Variants in DRD4 observed in about 807,000 individuals in gnomAD.
DRD4 encodes the protein dopamine receptor D4.
In DRD4, 26 loss-of-function variants were observed where a neutral mutation model predicts 22.1. The ratio of observed to expected loss-of-function variants is 1.17; its 90% CI spans 0.86 to 1.63. DRD4 has a LOEUF of 1.63. Among genes scored for constraint, DRD4 ranks in the 40% most tolerant of loss-of-function variants. The probability of loss-of-function intolerance (pLI) is 0.00; values close to 1 mark genes in which losing one functional copy is unlikely to be tolerated. For synonymous variants in DRD4, 455 were observed against 306.7 expected (o/e 1.48, Z -5.05); for missense variants, 913 against 632.4 (o/e 1.44, Z -4.76).
chr11:639,790 G>GA lies in DRD4; in HGVS notation c.542dup (p.Asp181GlufsTer269). The stretch of plus-strand genomic sequence containing the variant: ...CGGCCTCAACGACGTGCGCGGCCGC[G>GA]ACCCCGCCGTGTGCCGCCTGGAGGA... On this transcript the variant is annotated frameshift_variant, in exon 3 of 4. Transcript: ENST00000176183. LOFTEE classifies it high-confidence loss of function. The GA allele has an allele frequency of 6.3e-7, 1 of 1,579,352 alleles. No individual in the cohort carries two copies. Among genetic ancestry groups the GA allele is most frequent in the Non-Finnish European group, 8.5e-7 (1 of 1,171,248 alleles).
intron 1 of DRD4, among the ~76,000 whole-genome samples, chr11:638,233 C>CCAGCCCCTCTGCGGCCAGAGAAAAG (rs1223974709): frequency 3.3e-5 from 5 of 152,190 alleles, no homozygotes; most frequent in Non-Finnish European, 1.5e-5. Flanking sequence ...GGCCTTGGTG[C>CCAGCCCCTCTGCGGCCAGAGAAAAG]CAGCCCCTCT....
intron 1 of DRD4, among the ~76,000 whole-genome samples, chr11:637,819 C>T (rs914370467): frequency 3.9e-5 from 6 of 152,248 alleles, no homozygotes; most frequent in African/African-American, 1.4e-4. Context: ...TTCTCCTTCC[C>T]CGTCTGTCTT....
Position 640,674 on chromosome 11 carries a change from T to G in DRD4, c.*71T>G. The stretch of plus-strand genomic sequence containing the variant: ...GGACCAAGGAGATGGGGAGGGCGCT[T>G]TTGTACGTTAATTAAACAAATTCCT... On this transcript the variant is annotated 3_prime_UTR_variant, in exon 4 of 4. Transcript: ENST00000176183. 1.9e-6 allele frequency: 3 copies of G among 1,549,704 alleles called. No homozygotes were observed. The Admixed American group carries it at 5.2e-5, about 27-fold the overall frequency.
rs896163531 is a variant in DRD4, at chr11:639,216, C to T, written c.286-217C>T. The T allele has an allele frequency of 1.4e-5, 8 of 568,872 alleles. No individual in the cohort carries two copies. In the African/African-American group the frequency reaches 1.5e-4, roughly 11 times the overall value. The allele number at this position is 568,872 out of a possible 1,614,324, so 35.2% of individuals were successfully genotyped here. A position where few individuals can be genotyped will look rare whatever the true frequency, so the allele number is the denominator to read the frequency against. On this transcript the variant is annotated intron_variant, in intron 1 of 3. Transcript: ENST00000176183. ...GCTACAGTGAGCCATGATGGAGCCACAGCACTCCAGCCGCGGTGACACAGC... is the reference window on the plus strand; with the variant it reads ...GCTACAGTGAGCCATGATGGAGCCATAGCACTCCAGCCGCGGTGACACAGC...
intron 1 of DRD4, 114 bp downstream of exon 1, chr11:637,703 G>GGGC: frequency 6.6e-7 from 1 of 1,519,136 alleles, no homozygotes; most frequent in Non-Finnish European, 8.8e-7. Flanking sequence ...CTTCCAGCTG[G>GGGC]GGCGGCGGCA....
chr11:640,583 G>C lies in DRD4; in HGVS notation c.1240G>C (p.Ala414Pro). 1 of 1,599,624 alleles carries C rather than the reference G, an allele frequency of 6.3e-7. No homozygotes were observed. The highest frequency in any genetic ancestry group is 8.5e-7 in the Non-Finnish European group (1 of 1,179,814). The change falls in exon 4 of 4, where the codon GCC becomes CCC. Residue 414 changes from alanine to proline, a missense_variant. Ala to Pro is a conservative substitution (Grantham distance 27). Coordinates refer to ENST00000176183, the MANE Select transcript of DRD4 (RefSeq NM_000797.4). Reference sequence around the variant, plus strand: ...CGAGTTCCGCAACGTCTTCCGCAAGGCCCTGCGTGCCTGCTGCTGAGCCGG... The same window carrying C: ...CGAGTTCCGCAACGTCTTCCGCAAGCCCCTGCGTGCCTGCTGCTGAGCCGG... ...NAEFRNVFRK[A>P]LRACC
chr11:639,102 C>A, intron 1 of DRD4: 1 of 327,034 alleles, frequency 3.1e-6, no homozygotes, highest in Non-Finnish European at 5.9e-6. Context: ...AAAAGAAAAA[C>A]AAATCAGCCG....
intron 1 of DRD4, 36 bp downstream of exon 1, chr11:637,625 G>T: frequency 4.6e-6 from 7 of 1,537,956 alleles, no homozygotes; most frequent in Non-Finnish European, 6.1e-6. Flanking sequence ...ATCCTCACCT[G>T]CTCCTCGGTT....
chr11:639,373 G>C (rs1380995479), intron 1 of DRD4, 60 bp from the exon 2 acceptor site: 7 of 794,720 alleles, frequency 8.8e-6, no homozygotes, highest in Non-Finnish European at 1.2e-5. Context: ...AAGAGTGGGG[G>C]CGGGTCACAA....
chr11:638,537 G>A (rs1407628006), intron 1 of DRD4, among the ~76,000 whole-genome samples: 2 of 152,176 alleles, frequency 1.3e-5, no homozygotes, highest in Non-Finnish European at 2.9e-5. Flanking sequence ...ACTGGGCACG[G>A]TCTTCATATT....
chr11:640,475 C>A lies in DRD4; in HGVS notation c.1132C>A (p.Pro378Thr). ...TQALCPACSV[P>T]PRLVSAVTWL... ...GGCGCTGTGTCCTGCCTGCTCCGTG[C>A]CCCCGCGGCTGGTCAGCGCCGTCAC... The change falls in exon 4 of 4, where the codon CCC becomes ACC. Residue 378 changes from proline (P) to threonine (T), a missense_variant. By Grantham distance (38) the Pro-to-Thr change is conservative. Coordinates refer to ENST00000176183, the MANE Select transcript of DRD4 (RefSeq NM_000797.4). 7 of 1,602,278 alleles carry A rather than the reference C, an allele frequency of 4.4e-6. No individual in the cohort carries two copies. The highest frequency in any genetic ancestry group is 2.2e-5 in the East Asian group (1 of 44,868).
chr11:639,290 T>G, intron 1 of DRD4, 143 bp from the exon 2 acceptor site: 1 of 753,664 alleles, frequency 1.3e-6, no homozygotes, highest in South Asian at 1.5e-5. Flanking sequence ...AAGGGGTGTT[T>G]CCCTGCCCGG....
At position 639,657 on chromosome 11, in the gene DRD4, C is replaced by T. The variant is rs1305255086; in HGVS notation, c.408C>T (p.Ala136=). 5 of 1,460,508 alleles carry T rather than the reference C, an allele frequency of 3.4e-6. No homozygotes were observed. Among genetic ancestry groups the T allele is most frequent in the African/African-American group, 3.0e-5 (2 of 67,598 alleles). The allele number at this position is 1,460,508 out of a possible 1,614,324, so 90.5% of individuals were successfully genotyped here. A position where few individuals can be genotyped will look rare whatever the true frequency, so the allele number is the denominator to read the frequency against. The change falls in exon 3 of 4, where the codon GCC becomes GCT. Residue 136 remains alanine, a synonymous_variant. Transcript: ENST00000176183. ...TCGGCGCTCCCCGCAGGTTCGTGGC[C>T]GTGGCCGTGCCGCTGCGCTACAACC... ...LCAISVDRFV[A]VAVPLRYNRQ... is the part of the protein sequence containing the mutation.
At position 637,606 on chromosome 11, in the gene DRD4, C is replaced by T. The variant is rs200255589; in HGVS notation, c.285+17C>T. On this transcript the variant is annotated intron_variant, in intron 1 of 3. Coordinates refer to ENST00000176183, the MANE Select transcript of DRD4 (RefSeq NM_000797.4). Reference sequence around the variant, plus strand: ...TACTCCGAGGTGAGCCGCGTCCGGCCGCACGAGCATCCTCACCTGCTCCTC... The same window carrying T: ...TACTCCGAGGTGAGCCGCGTCCGGCTGCACGAGCATCCTCACCTGCTCCTC... The T allele has an allele frequency of 2.7e-4, 414 of 1,541,844 alleles. 3 individuals carry two copies. The East Asian group carries it at 7.9e-3, about 30-fold the overall frequency.
rs1256009425 is a variant in DRD4 at position 637,568 on chromosome 11, G to A, written c.264G>A (p.Leu88=). ...ACCTCCTCCTCGCTCTCCTGGTGCTGCCGCTCTTCGTCTACTCCGAGGTGA... is the reference window on the plus strand; with the variant it reads ...ACCTCCTCCTCGCTCTCCTGGTGCTACCGCTCTTCGTCTACTCCGAGGTGA... ...AADLLLALLV[L]PLFVYSEVQG... Residue 88 remains leucine, a synonymous_variant, in exon 1 of 4, where the codon CTG becomes CTA. Coordinates refer to ENST00000176183, the MANE Select transcript of DRD4 (RefSeq NM_000797.4). The A allele has an allele frequency of 6.4e-7, 1 of 1,554,756 alleles. No individual in the cohort carries two copies. Among genetic ancestry groups the A allele is most frequent in the Non-Finnish European group, 8.7e-7 (1 of 1,154,090 alleles).
chr11:639,209 G>A (rs1401062903), intron 1 of DRD4: 1 of 553,126 alleles, frequency 1.8e-6, no homozygotes, highest in Non-Finnish European at 3.3e-6. Context: ...GAGCCATGAT[G>A]GAGCCACAGC....
chr11:640,142 C>T lies in DRD4; in HGVS notation c.893C>T (p.Ala298Val), dbSNP rs772994846. The change falls in exon 3 of 4, where the codon GCG becomes GTG. Residue 298 changes from alanine (A) to valine (V), a missense_variant. Transcript: ENST00000176183. ...DPCGPDCAPP[A>V]PGLPPDPCGS... ...TGCGGCCCCGACTGTGCGCCCCCCG[C>T]GCCCGGCCTCCCCCCGGACCCCTGC... 11 of 1,469,112 alleles carry T rather than the reference C, an allele frequency of 7.5e-6. No homozygotes were observed. Among genetic ancestry groups the T allele is most frequent in the Non-Finnish European group, 9.9e-6 (11 of 1,114,838 alleles). 91.0% of individuals were successfully genotyped at this position (1,469,112 alleles called of 1,614,324 possible). A position where few individuals can be genotyped will look rare whatever the true frequency, so the allele number is the denominator to read the frequency against.
intron 3 of DRD4, 40 bp downstream of exon 3, chr11:640,346 G>GA (rs1335052571): frequency 1.9e-6 from 3 of 1,552,468 alleles, no homozygotes; most frequent in Middle Eastern, 2.2e-4. Flanking sequence ...AGAGGAGGGG[G>GA]GGGGTACGAG....
intron 2 of DRD4, 39 bp downstream of exon 2, chr11:639,584 G>T: frequency 7.6e-7 from 1 of 1,313,900 alleles, no homozygotes; most frequent in Non-Finnish European, 9.7e-7. Flanking sequence ...GCGCCCCCGC[G>T]CCCCGCCCGC....
Sources: gnomAD v4.1 joint callset for allele counts (sites outside exome capture counted in the v4.1 genomes callset) on GRCh38, gnomAD v4.1.1 for gene constraint, MANE v1.5 for transcripts, NCBI Gene and HGNC (gene_info 2026-07-23, HGNC 2026-07-21) for gene names.